TMEM117: variants seen among roughly 807,000 people sequenced by gnomAD.
TMEM117 encodes transmembrane protein 117.
A neutral mutation model predicts 52.4 loss-of-function variants in TMEM117; 27 were observed. The observed-to-expected ratio is 0.51, with a 90% CI of 0.38 to 0.71. TMEM117 has a LOEUF of 0.71. TMEM117 is among the 30% of genes least tolerant of loss of function. The pLI is 0.00. For missense variants in TMEM117, 556 were observed against 630.5 expected, an observed-to-expected ratio of 0.88 and a Z score of 1.26; for synonymous variants, 215 against 206.3, an observed-to-expected ratio of 1.04 and a Z score of -0.36.
intron 3 of TMEM117, among the ~76,000 whole-genome samples, chr12:44,116,564 C>T (rs1948147490): frequency 6.6e-6 from 1 of 152,164 alleles, no homozygotes; most frequent in African/African-American, 2.4e-5. Flanking sequence ...TCTCTTGATC[C>T]CGGTGCAGAC....
rs1000390260 is a variant in TMEM117 at position 43,879,898 on chromosome 12, T to C, written c.277+34970T>C. ...AGAGGTTCCCTTCACTTGAGCAAGATTGAAAGTGATTCCAGCTGGCTAGAA... is the reference window on the plus strand; with the variant it reads ...AGAGGTTCCCTTCACTTGAGCAAGACTGAAAGTGATTCCAGCTGGCTAGAA... On this transcript the variant is annotated intron_variant, in intron 2 of 7. Coordinates refer to ENST00000266534, the MANE Select transcript of TMEM117 (RefSeq NM_032256.3). Among the ~76,000 whole-genome samples the C allele has an allele frequency of 2.0e-5, 3 of 152,262 alleles. No homozygotes were observed. In the South Asian group the frequency reaches 6.2e-4, roughly 32 times the overall value.
intron 3 of TMEM117, among the ~76,000 whole-genome samples, chr12:44,141,691 C>A (rs765587984): frequency 1.3e-5 from 2 of 152,150 alleles, no homozygotes; most frequent in Admixed American, 6.5e-5. Flanking sequence ...CAGAGCTAAT[C>A]CTTTATAGTA....
intron 5 of TMEM117, among the ~76,000 whole-genome samples, chr12:44,292,673 C>T (rs1950719489): frequency 6.6e-6 from 1 of 151,946 alleles, no homozygotes; most frequent in Non-Finnish European, 1.5e-5. Context: ...TTTTTGTGGT[C>T]TCAAGATACT....
At chr12:44,189,360 G>A (rs1408588161) in intron 4 of TMEM117, among the ~76,000 whole-genome samples, 1 of 152,102 alleles carries the variant, frequency 6.6e-6, no homozygotes, top group Non-Finnish European at 1.5e-5. Flanking sequence ...CAGTATGAAA[G>A]GATTAGCTAT....
At chr12:44,349,221 A>G (rs998000272) in intron 6 of TMEM117, among the ~76,000 whole-genome samples, 3 of 151,854 alleles carry the variant, frequency 2.0e-5, no homozygotes, top group Non-Finnish European at 4.4e-5. Context: ...CCTTTCAGAG[A>G]TGTATGTTTA....
At chr12:44,266,337 A>G (rs1361858519) in intron 5 of TMEM117, among the ~76,000 whole-genome samples, 1 of 152,118 alleles carries the variant, frequency 6.6e-6, no homozygotes, top group African/African-American at 2.4e-5. Context: ...GTGGATGTGA[A>G]CTGCTATCTC....
chr12:44,043,641 G>T (rs989062245), intron 3 of TMEM117, among the ~76,000 whole-genome samples: 1 of 152,116 alleles, frequency 6.6e-6, no homozygotes, highest in African/African-American at 2.4e-5. Flanking sequence ...GCAAAATAAT[G>T]TTGATTCTCC....
chr12:44,297,129 A>G (rs1950779015), intron 5 of TMEM117, among the ~76,000 whole-genome samples: 1 of 152,182 alleles, frequency 6.6e-6, no homozygotes, highest in Non-Finnish European at 1.5e-5. Context: ...TAGTTCCTTT[A>G]TAAATATTGT....
chr12:44,153,320 C>T (rs552434823), intron 4 of TMEM117, among the ~76,000 whole-genome samples: 1 of 152,104 alleles, frequency 6.6e-6, no homozygotes, highest in African/African-American at 2.4e-5. Context: ...TTTTCACATA[C>T]TATTCTGACA....
intron 6 of TMEM117, among the ~76,000 whole-genome samples, chr12:44,348,853 G>A (rs1951525874): frequency 6.6e-6 from 1 of 151,812 alleles, no homozygotes; most frequent in South Asian, 2.1e-4. Context: ...AAAAGAGTTT[G>A]TTTTTCTTAA....
chr12:44,390,199 GACAC>G (rs58917894), downstream of TMEM117, among the ~76,000 whole-genome samples: 8,233 of 143,604 alleles, frequency 0.057, 671 homozygotes, highest in African/African-American at 0.18. Context: ...AAACATATCT[GACAC>G]ACACACACAC....
chr12:44,359,284 CA>C (rs1312706225), intron 6 of TMEM117, among the ~76,000 whole-genome samples: 1 of 150,988 alleles, frequency 6.6e-6, no homozygotes, highest in African/African-American at 2.4e-5. Context: ...TATGTGTGCA[CA>C]AAATTAAAAT....
the TMEM117 span, among the ~76,000 whole-genome samples, chr12:43,813,847 G>C: frequency 6.6e-6 from 1 of 152,002 alleles, no homozygotes; most frequent in Non-Finnish European, 1.5e-5. Context: ...TTTAAACTCT[G>C]TTTTTCCCTC....
chr12:44,094,948 T>G (rs955196059), intron 3 of TMEM117, among the ~76,000 whole-genome samples: 10 of 152,168 alleles, frequency 6.6e-5, no homozygotes, highest in African/African-American at 2.2e-4. Context: ...TTCATACGTA[T>G]GTACCGTCAT....
intron 6 of TMEM117, among the ~76,000 whole-genome samples, chr12:44,347,954 T>C (rs763334170): frequency 6.6e-5 from 10 of 152,050 alleles, no homozygotes; most frequent in Non-Finnish European, 1.5e-4. Flanking sequence ...TTGAGCACCA[T>C]GACCTTATAG....
chr12:44,363,734 A>G (rs1422537133), intron 6 of TMEM117, among the ~76,000 whole-genome samples: 3 of 152,200 alleles, frequency 2.0e-5, no homozygotes, highest in African/African-American at 7.2e-5. Flanking sequence ...AGATTTGAAG[A>G]GCTCTCCATT....
At chr12:43,937,423 AC>A (rs1944969273) in intron 2 of TMEM117, among the ~76,000 whole-genome samples, 2 of 152,224 alleles carry the variant, frequency 1.3e-5, no homozygotes, top group South Asian at 4.1e-4. Flanking sequence ...ACTTTTTTCC[AC>A]AGTAGTCAAA....
intron 5 of TMEM117, among the ~76,000 whole-genome samples, chr12:44,215,133 G>A (rs1383386776): frequency 6.6e-6 from 1 of 152,158 alleles, no homozygotes; most frequent in African/African-American, 2.4e-5. Context: ...AAAAAATTTT[G>A]CAAAGGAAAT....
chr12:43,795,803 C>T, the TMEM117 span: 1 of 1,590,842 alleles, frequency 6.3e-7, no homozygotes. Flanking sequence ...CTAATACAAG[C>T]AACAAGCTGG....
Sources: allele counts gnomAD v4.1 joint callset (sites outside exome capture counted in the v4.1 genomes callset), GRCh38; gene constraint gnomAD v4.1.1; transcripts MANE v1.5; gene names NCBI Gene and HGNC (gene_info 2026-07-23, HGNC 2026-07-21).